The following SHTN1 variants were observed in gnomAD, a reference collection of about 807,000 sequenced individuals.
SHTN1 encodes shootin 1, also known as shootin-1.
A neutral mutation model predicts 83.1 loss-of-function variants in SHTN1; 42 were observed. The observed-to-expected ratio is 0.51, with a 90% confidence interval of 0.39 to 0.65. The LOEUF is 0.65. SHTN1 is among the 30% of genes least tolerant of loss of function. The pLI, the probability that SHTN1 is intolerant of heterozygous loss-of-function variation, is 0.00. For missense variants in SHTN1, 622 were observed against 737.8 expected (o/e 0.84, Z 1.82); for synonymous variants, 224 against 247.7 (o/e 0.90, Z 0.90).
chr10:116,969,941 C>T (rs1196588356), intron 2 of SHTN1, among the ~76,000 whole-genome samples: 1 of 152,084 alleles, frequency 6.6e-6, no homozygotes. Flanking sequence ...ACCTTATTCC[C>T]TAAGAGTGCC....
At chr10:116,948,214 GT>G (rs1285474194) in intron 7 of SHTN1, among the ~76,000 whole-genome samples, 1 of 152,180 alleles carries the variant, frequency 6.6e-6, no homozygotes, top group Non-Finnish European at 1.5e-5. Flanking sequence ...CTGATGCTGT[GT>G]TTTATAACTA....
At chr10:117,094,081 TCA>T (rs969330428) in intron 1 of SHTN1, among the ~76,000 whole-genome samples, 1 of 152,094 alleles carries the variant, frequency 6.6e-6, no homozygotes, top group African/African-American at 2.4e-5. Flanking sequence ...CATAAACAAA[TCA>T]CAGAGTATCT....
At chr10:116,929,817 G>C (rs1589816182) in intron 10 of SHTN1, 32 bp downstream of exon 10, 1 of 1,514,842 alleles carries the variant, frequency 6.6e-7, no homozygotes, top group African/African-American at 1.4e-5. Context: ...AAGATTAATA[G>C]TAAGACATAG....
chr10:117,042,605 C>T (rs1852600222), intron 2 of SHTN1, among the ~76,000 whole-genome samples: 2 of 151,486 alleles, frequency 1.3e-5, no homozygotes, highest in African/African-American at 2.4e-5. Context: ...ATATTCATGA[C>T]CAGTAGCACC....
chr10:117,060,075 T>C (rs1301362081), intron 1 of SHTN1, among the ~76,000 whole-genome samples: 1 of 151,952 alleles, frequency 6.6e-6, no homozygotes, highest in Non-Finnish European at 1.5e-5. Context: ...TAGCCAGGCA[T>C]GGTGGTGCAT....
chr10:116,903,959 G>A (rs188053857), intron 15 of SHTN1, among the ~76,000 whole-genome samples: 81 of 152,300 alleles, frequency 5.3e-4, no homozygotes, highest in African/African-American at 1.7e-3. Context: ...CAGTTTGGTA[G>A]GACACAAGGC....
rs141437659 is a variant in SHTN1, at chr10:117,073,641, C to T, written c.-188-25131G>A. On this transcript the variant is annotated intron_variant, in intron 1 of 17. Coordinates refer to the SHTN1 transcript ENST00000392901. ...ACCAACATCAAAGTATGGGTGATGC[C>T]ACCTCTCCTCACTGGATTTGCTTTA... Among the ~76,000 whole-genome samples the T allele has an allele frequency of 3.5e-3, 533 of 152,296 alleles. 1 individual carries two copies. The highest frequency in any genetic ancestry group is 5.0e-3 in the Non-Finnish European group (339 of 68,028).
At chr10:117,017,258 G>A (rs888210940) in intron 2 of SHTN1, among the ~76,000 whole-genome samples, 51 of 152,076 alleles carry the variant, frequency 3.4e-4, no homozygotes, top group Non-Finnish European at 6.3e-4. Context: ...TTGGGAGGCC[G>A]AGGAGGGCGG....
chr10:116,910,057 A>G (rs1432190466), intron 14 of SHTN1, among the ~76,000 whole-genome samples: 1 of 152,162 alleles, frequency 6.6e-6, no homozygotes, highest in Non-Finnish European at 1.5e-5. Flanking sequence ...AAGCACCACT[A>G]AAGACCCAAA....
chr10:116,983,912 T>C (rs1375689708), intron 1 of SHTN1, among the ~76,000 whole-genome samples: 1 of 152,168 alleles, frequency 6.6e-6, no homozygotes, highest in African/African-American at 2.4e-5. Flanking sequence ...GCTGGTTTTC[T>C]ATTTTCTAAC....
chr10:117,102,036 G>A (rs1853601657), intron 1 of SHTN1, among the ~76,000 whole-genome samples: 1 of 146,944 alleles, frequency 6.8e-6, no homozygotes, highest in South Asian at 2.2e-4. Flanking sequence ...AGAAGAAGAA[G>A]TAAAGCCATC....
At position 116,926,083 on chromosome 10, in the gene SHTN1, A is replaced by C. The variant is rs78650731; in HGVS notation, c.1112+1709T>G. ...AAATAAAAATCATATTATTCAATAA[A>C]ATTTTCTTTAAAGAGCCTTATAAAA... is the stretch of plus-strand genomic sequence containing the variant. On this transcript the variant is annotated intron_variant, in intron 11 of 16. Coordinates refer to ENST00000355371, the MANE Select transcript of SHTN1 (RefSeq NM_001127211.3). Among the ~76,000 whole-genome samples the C allele has an allele frequency of 5.7e-4, 87 of 152,290 alleles. 2 individuals are homozygous for C. In the East Asian group the frequency reaches 0.016, roughly 28 times the overall value.
chr10:117,099,468 A>G (rs1323837561), intron 1 of SHTN1, among the ~76,000 whole-genome samples: 2 of 152,160 alleles, frequency 1.3e-5, no homozygotes, highest in Non-Finnish European at 2.9e-5. Flanking sequence ...TACCAATATC[A>G]CTTCACTGAT....
intron 1 of SHTN1, among the ~76,000 whole-genome samples, chr10:116,979,846 G>A (rs1850951138): frequency 6.6e-6 from 1 of 152,150 alleles, no homozygotes; most frequent in Non-Finnish European, 1.5e-5. Flanking sequence ...AGTAGAGTAG[G>A]TTTGCACACT....
chr10:116,904,409 G>T (rs940192704), intron 15 of SHTN1, among the ~76,000 whole-genome samples: 2 of 151,428 alleles, frequency 1.3e-5, no homozygotes, highest in African/African-American at 2.4e-5. Flanking sequence ...TTTTTTAGAT[G>T]GTAAGAGTTT....
chr10:116,979,525 C>T lies in SHTN1; in HGVS notation c.59-217G>A, dbSNP rs533931589. ...TGGTCTCAAAACTCCTGGGTTCAAA[C>T]GATCCTCCTGCCTTGGCCTCGCAAA... On this transcript the variant is annotated intron_variant, in intron 1 of 16. Coordinates refer to ENST00000355371, the MANE Select transcript of SHTN1 (RefSeq NM_001127211.3). Among the ~76,000 whole-genome samples the T allele has an allele frequency of 5.9e-5, 9 of 152,302 alleles. No individual in the cohort carries two copies. In the South Asian group the frequency reaches 6.2e-4, roughly 11 times the overall value.
intron 2 of SHTN1, among the ~76,000 whole-genome samples, chr10:117,017,006 A>G (rs1852189503): frequency 6.6e-6 from 1 of 152,134 alleles, no homozygotes; most frequent in African/African-American, 2.4e-5. Context: ...CCATTCTCTA[A>G]GAGAAAGAAT....
intron 1 of SHTN1, among the ~76,000 whole-genome samples, chr10:117,120,248 A>ATT (rs60258460): frequency 3.6e-4 from 51 of 139,990 alleles, no homozygotes; most frequent in African/African-American, 6.3e-4. Context: ...CCATGATGTG[A>ATT]TTTTTTTTTT....
At chr10:116,935,381 T>C (rs1319268764) in intron 9 of SHTN1, among the ~76,000 whole-genome samples, 2 of 152,216 alleles carry the variant, frequency 1.3e-5, no homozygotes, top group African/African-American at 2.4e-5. Context: ...TGAAGGGGTG[T>C]TGAATTTTAT....
Sources: gnomAD v4.1 joint callset for allele counts (sites outside exome capture counted in the v4.1 genomes callset) on GRCh38, gnomAD v4.1.1 for gene constraint, MANE v1.5 for transcripts, NCBI Gene and HGNC (gene_info 2026-07-23, HGNC 2026-07-21) for gene names.